The following ANKS1B variants were observed in gnomAD, a reference collection of about 807,000 sequenced individuals.
ANKS1B encodes the protein ankyrin repeat and sterile alpha motif domain-containing protein 1B.
Under a neutral mutation model 148.3 loss-of-function variants are expected in ANKS1B, and 36 were observed. The observed-to-expected ratio is 0.24, with a 90% CI of 0.19 to 0.32. The LOEUF is 0.32. Among genes scored for constraint, ANKS1B ranks in the 10% least tolerant of loss-of-function variants. The pLI, the probability that ANKS1B is intolerant of heterozygous loss-of-function variation, is 1.00. For missense variants in ANKS1B, 1,157 were observed against 1,542.6 expected (o/e 0.75, Z 4.19); for synonymous variants, 542 against 560.8 (o/e 0.97, Z 0.47).
chr12:99,409,947 C>T (rs1302076519), intron 11 of ANKS1B, among the ~76,000 whole-genome samples: 1 of 152,222 alleles, frequency 6.6e-6, no homozygotes, highest in South Asian at 2.1e-4. Flanking sequence ...GGCTTCTCCA[C>T]TTTAAAACAT....
At chr12:99,860,163 A>G (rs1008397619) in intron 1 of ANKS1B, among the ~76,000 whole-genome samples, 4 of 152,250 alleles carry the variant, frequency 2.6e-5, no homozygotes, top group African/African-American at 9.6e-5. Flanking sequence ...GTGTTAAGAT[A>G]AAATTCTATT....
chr12:98,858,265 T>C (rs764906877), intron 17 of ANKS1B, among the ~76,000 whole-genome samples: 3 of 152,094 alleles, frequency 2.0e-5, no homozygotes, highest in Non-Finnish European at 4.4e-5. Flanking sequence ...AATGAAAAAA[T>C]CATAGTTTAG....
chr12:99,367,899 A>G (rs1466691932), intron 12 of ANKS1B, among the ~76,000 whole-genome samples: 1 of 152,154 alleles, frequency 6.6e-6, no homozygotes, highest in Non-Finnish European at 1.5e-5. Context: ...TTCTGAGTAC[A>G]CCTTTTTATA....
At chr12:99,902,448 T>G (rs1333814177) in intron 1 of ANKS1B, among the ~76,000 whole-genome samples, 1 of 152,216 alleles carries the variant, frequency 6.6e-6, no homozygotes, top group Non-Finnish European at 1.5e-5. Flanking sequence ...GATTTCATTC[T>G]AGGAGCGAGC....
intron 11 of ANKS1B, among the ~76,000 whole-genome samples, chr12:99,426,620 T>A (rs924685101): frequency 3.3e-5 from 5 of 152,200 alleles, no homozygotes; most frequent in African/African-American, 1.2e-4. Context: ...AATTTCTGCT[T>A]TTTAAATAGT....
chr12:99,832,178 A>G (rs1415137380), intron 1 of ANKS1B, among the ~76,000 whole-genome samples: 1 of 152,248 alleles, frequency 6.6e-6, no homozygotes. Flanking sequence ...TCAAATTTCA[A>G]ATATGAATAC....
At chr12:99,470,687 G>T (rs2096227215) in intron 10 of ANKS1B, among the ~76,000 whole-genome samples, 1 of 152,080 alleles carries the variant, frequency 6.6e-6, no homozygotes, top group Non-Finnish European at 1.5e-5. Context: ...ATATAGCTAT[G>T]ATATGTCTAT....
intron 9 of ANKS1B, among the ~76,000 whole-genome samples, chr12:99,532,176 G>A (rs2097002510): frequency 6.6e-6 from 1 of 151,958 alleles, no homozygotes; most frequent in Non-Finnish European, 1.5e-5. Context: ...TATTTCTTTT[G>A]CAGTGCAGAA....
chr12:99,573,525 T>A (rs1050879865), intron 9 of ANKS1B, among the ~76,000 whole-genome samples: 1 of 152,088 alleles, frequency 6.6e-6, no homozygotes, highest in Non-Finnish European at 1.5e-5. Context: ...TTTCTCTCTT[T>A]ATTGTATGTA....
At chr12:98,886,112 C>A (rs2099739514) in intron 17 of ANKS1B, among the ~76,000 whole-genome samples, 1 of 152,028 alleles carries the variant, frequency 6.6e-6, no homozygotes, top group South Asian at 2.1e-4. Context: ...GGAACTAAAT[C>A]TAGAATTTTA....
At chr12:99,152,097 C>T (rs1039750778) in intron 15 of ANKS1B, among the ~76,000 whole-genome samples, 1 of 152,072 alleles carries the variant, frequency 6.6e-6, no homozygotes, top group African/African-American at 2.4e-5. Flanking sequence ...CAATCATATT[C>T]ATGTGTTTAA....
At chr12:99,772,320 T>C (rs2063269231) in intron 8 of ANKS1B, among the ~76,000 whole-genome samples, 1 of 152,170 alleles carries the variant, frequency 6.6e-6, no homozygotes, top group South Asian at 2.1e-4. Context: ...CATCTGTTTT[T>C]CTGCCTCACA....
At chr12:98,968,989 A>T (rs1378026043) in intron 17 of ANKS1B, among the ~76,000 whole-genome samples, 1 of 152,200 alleles carries the variant, frequency 6.6e-6, no homozygotes, top group Non-Finnish European at 1.5e-5. Flanking sequence ...CTGCATAAGA[A>T]CATGTTCTAA....
intron 17 of ANKS1B, among the ~76,000 whole-genome samples, chr12:98,924,647 TTCGGGGTGATGCAATCCC>T (rs1290908338): frequency 4.6e-5 from 7 of 152,166 alleles, no homozygotes; most frequent in Non-Finnish European, 1.5e-5. Context: ...TTAGTTTTAT[TTCGGGGTGATGCAATCCC>T]TCTGCTAATT....
chr12:99,563,816 T>C (rs1259556184), intron 9 of ANKS1B, among the ~76,000 whole-genome samples: 1 of 152,154 alleles, frequency 6.6e-6, no homozygotes, highest in Admixed American at 6.5e-5. Context: ...TGCCTGGATA[T>C]CTTTCCCACC....
intron 17 of ANKS1B, among the ~76,000 whole-genome samples, chr12:98,931,200 C>T (rs1300871626): frequency 6.6e-6 from 1 of 152,072 alleles, no homozygotes; most frequent in East Asian, 1.9e-4. Context: ...GTTTAATATC[C>T]CCTGCTACAC....
At chr12:99,680,430 T>G (rs537019810) in intron 8 of ANKS1B, among the ~76,000 whole-genome samples, 1 of 143,356 alleles carries the variant, frequency 7.0e-6, no homozygotes, top group African/African-American at 2.7e-5. Flanking sequence ...GTTAAGACTC[T>G]GTCAAAAAAA....
At chr12:99,673,682 A>C (rs1338769645) in intron 8 of ANKS1B, among the ~76,000 whole-genome samples, 1 of 151,976 alleles carries the variant, frequency 6.6e-6, no homozygotes, top group Non-Finnish European at 1.5e-5. Flanking sequence ...ATCCTATTTG[A>C]AAATAAATTA....
At chr12:99,349,153 G>C (rs2091106741) in intron 12 of ANKS1B, among the ~76,000 whole-genome samples, 1 of 151,826 alleles carries the variant, frequency 6.6e-6, no homozygotes, top group East Asian at 1.9e-4. Flanking sequence ...AATTCCAAAA[G>C]TAACCTGAAA....
Sources: allele counts gnomAD v4.1 joint callset (sites outside exome capture counted in the v4.1 genomes callset), GRCh38; gene constraint gnomAD v4.1.1; transcripts MANE v1.5; gene names NCBI Gene and HGNC (gene_info 2026-07-23, HGNC 2026-07-21).